DCLK2: variants seen among roughly 807,000 people sequenced by gnomAD.
The protein encoded by DCLK2 is doublecortin like kinase 2, also known as serine/threonine-protein kinase DCLK2.
DCLK2 carries 31 observed loss-of-function variants against 78.4 expected under a neutral mutation model. The ratio of observed to expected loss-of-function variants is 0.40; its 90% confidence interval spans 0.30 to 0.53. DCLK2 has a LOEUF of 0.53. Ranked by LOEUF, DCLK2 falls within the 20% of genes least tolerant of loss-of-function variation. The pLI, the probability that DCLK2 is intolerant of heterozygous loss-of-function variation, is 0.61. For synonymous variants in DCLK2, 407 were observed against 374.9 expected (o/e 1.09, Z -0.99); for missense variants, 872 against 973.7 (o/e 0.90, Z 1.39).
intron 4 of DCLK2, 25 bp downstream of exon 4, chr4:150,198,128 G>A (rs1375923630): frequency 3.8e-6 from 6 of 1,577,250 alleles, no homozygotes; most frequent in Non-Finnish European, 4.4e-6. Context: ...AGGAATAGAT[G>A]GTCATAGCAG....
At chr4:150,138,956 G>T (rs185380109) in intron 2 of DCLK2, among the ~76,000 whole-genome samples, 1 of 151,596 alleles carries the variant, frequency 6.6e-6, no homozygotes, top group East Asian at 2.0e-4. Flanking sequence ...GAGCCACGGC[G>T]CCTGGCCCAT....
At chr4:150,198,468 C>T (rs556305711) in intron 4 of DCLK2, among the ~76,000 whole-genome samples, 55 of 108,830 alleles carry the variant, frequency 5.1e-4, no homozygotes, top group African/African-American at 1.4e-3. Flanking sequence ...TTTTAAAACA[C>T]ATGCACATGC....
chr4:150,234,656 G>C (rs1233029518), intron 10 of DCLK2, among the ~76,000 whole-genome samples: 1 of 151,256 alleles, frequency 6.6e-6, no homozygotes, highest in African/African-American at 2.4e-5. Context: ...CCATTTAAAA[G>C]TATTTGAAAT....
At chr4:150,159,335 G>T (rs1735538760) in intron 2 of DCLK2, among the ~76,000 whole-genome samples, 1 of 152,132 alleles carries the variant, frequency 6.6e-6, no homozygotes, top group South Asian at 2.1e-4. Context: ...CCACTTTATG[G>T]TACACATACA....
chr4:150,130,396 G>A (rs1410427263), intron 2 of DCLK2, among the ~76,000 whole-genome samples: 1 of 152,086 alleles, frequency 6.6e-6, no homozygotes, highest in Admixed American at 6.5e-5. Flanking sequence ...TAGAACTGGG[G>A]AGACTGAAGT....
intron 9 of DCLK2, 32 bp downstream of exon 9, chr4:150,232,488 A>C (rs1286176685): frequency 6.2e-7 from 1 of 1,608,448 alleles, no homozygotes; most frequent in South Asian, 1.1e-5. Context: ...CTTGGTGCCT[A>C]GTCCCACAAT....
At chr4:150,097,984 T>A (rs987174568) in intron 1 of DCLK2, among the ~76,000 whole-genome samples, 20 of 152,206 alleles carry the variant, frequency 1.3e-4, no homozygotes, top group African/African-American at 4.6e-4. Context: ...AAGTTGGGTT[T>A]ATTACTTGTT....
chr4:150,150,736 T>C (rs10001651), intron 2 of DCLK2, among the ~76,000 whole-genome samples: 30,393 of 152,180 alleles, frequency 0.2, 3,221 homozygotes, highest in Non-Finnish European at 0.23. Context: ...TGCCCCAAAA[T>C]AGAGTGAAAT....
At chr4:150,096,293 A>G (rs1235057384) in intron 1 of DCLK2, among the ~76,000 whole-genome samples, 1 of 152,238 alleles carries the variant, frequency 6.6e-6, no homozygotes, top group East Asian at 1.9e-4. Context: ...GACTTTAGGA[A>G]GAGGAGAGTG....
In DCLK2 at chr4:150,210,317, C is replaced by T. The variant is rs568848473; in HGVS notation, c.1056+6428C>T. ...TCCAGGTTCCATTTTCACGTGAAGG[C>T]AGTTTTACTTGCAAAAAACTAACAT... is the stretch of plus-strand genomic sequence containing the variant. On this transcript the variant is annotated intron_variant, in intron 5 of 15. Coordinates refer to ENST00000296550, the MANE Select transcript of DCLK2 (RefSeq NM_001040260.4). Among the ~76,000 whole-genome samples, 58 of 152,260 alleles carry T rather than the reference C, an allele frequency of 3.8e-4. No homozygotes were observed. In the South Asian group the frequency reaches 0.012, roughly 31 times the overall value.
At chr4:150,129,967 T>C (rs1476625957) in intron 2 of DCLK2, among the ~76,000 whole-genome samples, 3 of 152,226 alleles carry the variant, frequency 2.0e-5, no homozygotes, top group Middle Eastern at 3.4e-3. Flanking sequence ...TTGGTGACAT[T>C]ATATTGTATA....
At chr4:150,240,367 T>G in intron 11 of DCLK2, 32 bp from the exon 12 acceptor site, 1 of 1,605,348 alleles carries the variant, frequency 6.2e-7, no homozygotes. Flanking sequence ...GAGCCATCAG[T>G]TCTCTCCCCC....
chr4:150,119,918 G>A (rs1038343824), intron 2 of DCLK2, among the ~76,000 whole-genome samples: 4 of 152,102 alleles, frequency 2.6e-5, no homozygotes, highest in Non-Finnish European at 4.4e-5. Context: ...TTTTTGCTTT[G>A]TGACATTTGA....
Position 150,226,371 on chromosome 4 carries a change from G to A in DCLK2, c.1299+1813G>A, listed in dbSNP as rs1055116450. 4.6e-5 allele frequency among the ~76,000 whole-genome samples: 7 copies of A among 151,692 alleles called. No individual in the cohort carries two copies. The East Asian group carries it at 1.4e-3, about 29-fold the overall frequency. ...TGATATGCTTTTACTTATTGTTCTA[G>A]CGATATTACTAATGTTTTTCACTGT... On this transcript the variant is annotated intron_variant, in intron 8 of 15. Coordinates refer to ENST00000296550, the MANE Select transcript of DCLK2 (RefSeq NM_001040260.4).
rs577056814 is a variant in DCLK2 at position 150,203,424 on chromosome 4, A to G, written c.962-371A>G. 3.0e-4 allele frequency among the ~76,000 whole-genome samples: 45 copies of G among 152,284 alleles called. No homozygotes were observed. In the South Asian group the frequency reaches 9.3e-3, roughly 32 times the overall value. Reference sequence around the variant, plus strand: ...TATACACCAAGATAGTGGATATTGAAGGTTATGGAACAGCCTTCATAGTAA... The same window carrying G: ...TATACACCAAGATAGTGGATATTGAGGGTTATGGAACAGCCTTCATAGTAA... On this transcript the variant is annotated intron_variant, in intron 4 of 15. Coordinates refer to ENST00000296550, the MANE Select transcript of DCLK2 (RefSeq NM_001040260.4).
At chr4:150,112,051 T>G (rs2150168271) in intron 2 of DCLK2, among the ~76,000 whole-genome samples, 1 of 152,322 alleles carries the variant, frequency 6.6e-6, no homozygotes, top group Admixed American at 6.5e-5. Context: ...TGTAGATTGC[T>G]TTGGGCATAT....
chr4:150,221,317 G>GTTTTTTTTTTTTTT (rs764898623), intron 6 of DCLK2, among the ~76,000 whole-genome samples: 1 of 135,256 alleles, frequency 7.4e-6, no homozygotes. Flanking sequence ...TCCTTTCTTT[G>GTTTTTTTTTTTTTT]TTTTTTTTTT....
In DCLK2 at chr4:150,189,788, C is replaced by G. The variant is rs147455272; in HGVS notation, c.757-3350C>G. On this transcript the variant is annotated intron_variant, in intron 2 of 15. Coordinates refer to ENST00000296550, the MANE Select transcript of DCLK2 (RefSeq NM_001040260.4). Reference sequence around the variant, plus strand: ...AATAGGAGAAGCCCATGCAGAGCCACAGTTCATTTGGCAAACCTGTATCAA... The same window carrying G: ...AATAGGAGAAGCCCATGCAGAGCCAGAGTTCATTTGGCAAACCTGTATCAA... 2.9e-3 allele frequency among the ~76,000 whole-genome samples: 438 copies of G among 151,952 alleles called. 3 individuals are homozygous for G. The highest frequency in any genetic ancestry group is 9.3e-3 in the African/African-American group (387 of 41,474).
intron 2 of DCLK2, among the ~76,000 whole-genome samples, chr4:150,104,449 T>C (rs1306319899): frequency 3.1e-5 from 4 of 128,428 alleles, no homozygotes; most frequent in Non-Finnish European, 6.5e-5. Context: ...AAATATCTAA[T>C]TGAAATAGTA....
Sources: gnomAD v4.1 joint callset for allele counts (sites outside exome capture counted in the v4.1 genomes callset) on GRCh38, gnomAD v4.1.1 for gene constraint, MANE v1.5 for transcripts, NCBI Gene and HGNC (gene_info 2026-07-23, HGNC 2026-07-21) for gene names.